The following C1QTNF3 variants were observed in gnomAD, a reference collection of about 807,000 sequenced individuals.
The protein encoded by C1QTNF3 is complement C1q tumor necrosis factor-related protein 3.
Under a neutral mutation model 32.6 loss-of-function variants are expected in C1QTNF3, and 26 were observed. The ratio of observed to expected loss-of-function variants is 0.80; its 90% confidence interval spans 0.58 to 1.11. The LOEUF is 1.11. Among genes scored for constraint, C1QTNF3 ranks in the 50% least tolerant of loss-of-function variants. The pLI is 0.00. For synonymous variants in C1QTNF3, 155 were observed against 146.0 expected, an observed-to-expected ratio of 1.06 and a Z score of -0.44; for missense variants, 362 against 398.2, an observed-to-expected ratio of 0.91 and a Z score of 0.77.
chr5:34,161,389 C>G, the C1QTNF3 span, among the ~76,000 whole-genome samples: 2 of 151,848 alleles, frequency 1.3e-5, no homozygotes, highest in East Asian at 3.9e-4. Context: ...TTTCAGTGTT[C>G]AAATGCAAAT....
the C1QTNF3 span, chr5:34,158,446 C>T: frequency 1.3e-5 from 2 of 152,072 alleles, no homozygotes; most frequent in East Asian, 1.9e-4. Flanking sequence ...AATTTTCAAA[C>T]GTGATGTGAT....
the C1QTNF3 span, among the ~76,000 whole-genome samples, chr5:34,240,389 G>GA: frequency 6.7e-6 from 1 of 149,588 alleles, no homozygotes; most frequent in African/African-American, 2.5e-5. Context: ...GATAAACAAA[G>GA]AAAAAAAAGA....
intron 1 of C1QTNF3, 117 bp from the exon 2 acceptor site, chr5:34,035,875 G>C: frequency 1.4e-6 from 1 of 712,480 alleles, no homozygotes; most frequent in Non-Finnish European, 2.4e-6. Flanking sequence ...ATCACAGCAA[G>C]ATCACAAAAG....
chr5:34,063,134 A>G, the C1QTNF3 span, among the ~76,000 whole-genome samples: 2 of 152,152 alleles, frequency 1.3e-5, no homozygotes, highest in African/African-American at 4.8e-5. Context: ...AAGACCTCCA[A>G]TTACCAATTA....
the C1QTNF3 span, among the ~76,000 whole-genome samples, chr5:34,213,532 C>A: frequency 2.6e-5 from 4 of 151,158 alleles, no homozygotes; most frequent in South Asian, 6.3e-4. Context: ...ACTTACACAA[C>A]AGGATACAGA....
chr5:34,090,672 T>C, the C1QTNF3 span, among the ~76,000 whole-genome samples: 1 of 152,170 alleles, frequency 6.6e-6, no homozygotes, highest in Non-Finnish European at 1.5e-5. Flanking sequence ...GGGTCTTTGG[T>C]AGGTAGTTAG....
the C1QTNF3 span, among the ~76,000 whole-genome samples, chr5:34,071,330 CT>C: frequency 1.3e-5 from 2 of 152,160 alleles, no homozygotes; most frequent in South Asian, 4.2e-4. Context: ...GCTATCTAAA[CT>C]TTTTTGATTA....
the C1QTNF3 span, among the ~76,000 whole-genome samples, chr5:34,077,771 T>G: frequency 6.6e-6 from 1 of 151,318 alleles, no homozygotes; most frequent in Admixed American, 6.6e-5. Context: ...CCCCTGACAG[T>G]GTAACTTTTA....
chr5:34,222,815 T>C, the C1QTNF3 span, among the ~76,000 whole-genome samples: 1 of 152,006 alleles, frequency 6.6e-6, no homozygotes, highest in African/African-American at 2.4e-5. Flanking sequence ...TGAATCCTTT[T>C]TGCTGCAAAC....
chr5:34,106,286 G>C, the C1QTNF3 span: 1 of 151,570 alleles, frequency 6.6e-6, no homozygotes, highest in Non-Finnish European at 1.5e-5. Flanking sequence ...TTTTCGATGA[G>C]ATTATATTTT....
At chr5:34,058,149 A>G in the C1QTNF3 span, among the ~76,000 whole-genome samples, 3 of 152,148 alleles carry the variant, frequency 2.0e-5, no homozygotes, top group African/African-American at 7.2e-5. Flanking sequence ...GGATGCTTCA[A>G]TAAGATTTAT....
the C1QTNF3 span, among the ~76,000 whole-genome samples, chr5:34,197,659 T>C: frequency 6.6e-6 from 1 of 152,148 alleles, no homozygotes; most frequent in South Asian, 2.1e-4. Context: ...GAGTAAAGGT[T>C]GCTGTCATGT....
At chr5:34,154,030 AAT>A in the C1QTNF3 span, among the ~76,000 whole-genome samples, 202 of 85,610 alleles carry the variant, frequency 2.4e-3, 1 homozygote, top group African/African-American at 8.4e-3. Flanking sequence ...AAACCTGCAA[AAT>A]AAAAAAAAAA....
chr5:34,170,836 GAATT>G, the C1QTNF3 span, among the ~76,000 whole-genome samples: 1 of 151,998 alleles, frequency 6.6e-6, no homozygotes, highest in Admixed American at 6.6e-5. Context: ...CAAAAACCCA[GAATT>G]AAAATTTAAA....
the C1QTNF3 span, among the ~76,000 whole-genome samples, chr5:34,110,983 G>A: frequency 1.3e-5 from 2 of 152,000 alleles, no homozygotes; most frequent in Non-Finnish European, 2.9e-5. Flanking sequence ...TTCTTGTGCT[G>A]GAAACCTACA....
At chr5:34,213,777 G>GTATATATATATATATATATA in the C1QTNF3 span, among the ~76,000 whole-genome samples, 1 of 26,514 alleles carries the variant, frequency 3.8e-5, no homozygotes, top group Non-Finnish European at 8.0e-5. Context: ...ACACATACGT[G>GTATATATATATATATATATA]TATATATACA....
the C1QTNF3 span, among the ~76,000 whole-genome samples, chr5:34,220,106 C>A: frequency 2.3e-4 from 35 of 152,028 alleles, no homozygotes; most frequent in African/African-American, 8.2e-4. Context: ...TGTTTCAATG[C>A]AACAGTAGTC....
chr5:34,240,579 T>C, the C1QTNF3 span, among the ~76,000 whole-genome samples: 4 of 151,556 alleles, frequency 2.6e-5, no homozygotes, highest in Non-Finnish European at 5.9e-5. Context: ...AGGAAGATAC[T>C]GAAATACTGA....
chr5:34,044,447 GAGA>G (rs1649459555), upstream of C1QTNF3, among the ~76,000 whole-genome samples: 1 of 152,300 alleles, frequency 6.6e-6, no homozygotes, highest in African/African-American at 2.4e-5. Flanking sequence ...CTGAGGCTTG[GAGA>G]AGCTCAGCCT....
Sources: allele counts gnomAD v4.1 joint callset (sites outside exome capture counted in the v4.1 genomes callset), GRCh38; gene constraint gnomAD v4.1.1; transcripts MANE v1.5; gene names NCBI Gene and HGNC (gene_info 2026-07-23, HGNC 2026-07-21).